The following DCAF8L2 variants were observed in gnomAD, a reference collection of about 807,000 sequenced individuals.
The protein encoded by DCAF8L2 is DDB1- and CUL4-associated factor 8-like protein 2.
For synonymous variants in DCAF8L2, 200 were observed against 190.9 expected, an observed-to-expected ratio of 1.05 and a Z score of -0.39; for missense variants, 430 against 490.7, an observed-to-expected ratio of 0.88 and a Z score of 1.17.
At chrX:27,528,056 A>G in the DCAF8L2 span, among the ~76,000 whole-genome samples, 2 of 76,514 alleles carry the variant, frequency 2.6e-5, no homozygotes, top group African/African-American at 1.5e-4. Context: ...TTAATTATTA[A>G]ATTAAATTTT....
chrX:27,614,414 C>T (rs935285450), intron 1 of DCAF8L2, among the ~76,000 whole-genome samples: 3 of 110,976 alleles, frequency 2.7e-5, no homozygotes, highest in Non-Finnish European at 5.7e-5. Context: ...CTTCTGGATT[C>T]ATTGATTTTT....
intron 1 of DCAF8L2, chrX:27,627,563 G>GTGTA (rs1167920418): frequency 1.9e-4 from 20 of 107,566 alleles, no homozygotes; most frequent in African/African-American, 6.5e-4. Flanking sequence ...GTGTGTGTGT[G>GTGTA]TGTGTGTGTG....
chrX:27,566,732 C>T, the DCAF8L2 span, among the ~76,000 whole-genome samples: 2 of 110,362 alleles, frequency 1.8e-5, no homozygotes, highest in Admixed American at 9.7e-5. Flanking sequence ...TATTTCTTCT[C>T]TACTCTTTAT....
At chrX:27,475,744 C>T in the DCAF8L2 span, among the ~76,000 whole-genome samples, 7 of 111,948 alleles carry the variant, frequency 6.3e-5, no homozygotes, top group African/African-American at 1.3e-4. Context: ...GCTCAACTAA[C>T]GAAATTAATT....
intron 3 of DCAF8L2, among the ~76,000 whole-genome samples, chrX:27,687,335 A>C (rs1930549601): frequency 8.9e-6 from 1 of 111,961 alleles, no homozygotes; most frequent in African/African-American, 3.3e-5. Context: ...TTAGGGGGGA[A>C]AACCTGTTCA....
chrX:27,682,957 AC>A (rs1930378321), intron 3 of DCAF8L2, among the ~76,000 whole-genome samples: 1 of 110,775 alleles, frequency 9.0e-6, no homozygotes, highest in African/African-American at 3.3e-5. Context: ...GTAGCTGGCA[AC>A]TATTACAATG....
At chrX:27,567,546 C>CATATAT in the DCAF8L2 span, among the ~76,000 whole-genome samples, 1,076 of 29,521 alleles carry the variant, frequency 0.036, 77 homozygotes, top group South Asian at 0.068. Context: ...ACCACTGTAG[C>CATATAT]ATATATATAT....
intron 4 of DCAF8L2, among the ~76,000 whole-genome samples, chrX:27,717,141 C>T (rs749532285): frequency 8.9e-6 from 1 of 112,418 alleles, no homozygotes; most frequent in African/African-American, 3.2e-5. Context: ...CATTGATGGG[C>T]ATTTGGGTTG....
chrX:27,473,044 A>C, the DCAF8L2 span, among the ~76,000 whole-genome samples: 4 of 111,891 alleles, frequency 3.6e-5, no homozygotes, highest in African/African-American at 1.3e-4. Flanking sequence ...GTCTTTGTAG[A>C]CATAGTTTTC....
Position 27,606,352 on chromosome X carries a change from TCTAGGA to T in DCAF8L2, c.-342+15913_-342+15918del, listed in dbSNP as rs1461188166. Among the ~76,000 whole-genome samples, 90 of 40,157 alleles carry T rather than the reference TCTAGGA, an allele frequency of 2.2e-3. 2 individuals carry two copies. The highest frequency in any genetic ancestry group is 3.4e-3 in the African/African-American group (25 of 7,308). The allele number at this position is 40,157 out of a possible 115,157, so 34.9% of individuals were successfully genotyped here. A position where few individuals can be genotyped will look rare whatever the true frequency, so the allele number is the denominator to read the frequency against. ...TATATATATAGGAATTATATATATATCTAGGAATATATATATATATATATATATATT... is the reference window on the plus strand; with the variant it reads ...TATATATATAGGAATTATATATATATATATATATATATATATATATATATT... On this transcript the variant is annotated intron_variant, in intron 1 of 4. Coordinates refer to ENST00000451261, the MANE Select transcript of DCAF8L2 (RefSeq NM_001353450.2).
chrX:27,599,543 A>C (rs912458117), intron 1 of DCAF8L2, among the ~76,000 whole-genome samples: 2 of 111,762 alleles, frequency 1.8e-5, no homozygotes, highest in African/African-American at 6.5e-5. Context: ...ATCATGAAAA[A>C]AATTGAATTA....
At chrX:27,504,486 A>G in the DCAF8L2 span, among the ~76,000 whole-genome samples, 1 of 111,680 alleles carries the variant, frequency 9.0e-6, no homozygotes, top group Non-Finnish European at 1.9e-5. Context: ...TGGGCCAATC[A>G]GTCTTATGTC....
chrX:27,575,098 T>C, the DCAF8L2 span, among the ~76,000 whole-genome samples: 1 of 111,358 alleles, frequency 9.0e-6, no homozygotes, highest in Non-Finnish European at 1.9e-5. Context: ...GAGAGATAGT[T>C]TTCCCCTGGA....
the DCAF8L2 span, among the ~76,000 whole-genome samples, chrX:27,532,755 T>G: frequency 2.9e-5 from 3 of 103,822 alleles, no homozygotes; most frequent in Non-Finnish European, 5.9e-5. Context: ...TTTATTTATT[T>G]ATTTATTTAT....
chrX:27,518,521 C>CCT, the DCAF8L2 span: 1 of 368,319 alleles, frequency 2.7e-6, no homozygotes, highest in Non-Finnish European at 4.8e-6. Flanking sequence ...AGGCGGATCA[C>CCT]GAGGTCAGGA....
the DCAF8L2 span, among the ~76,000 whole-genome samples, chrX:27,497,166 C>T: frequency 9.0e-6 from 1 of 111,256 alleles, no homozygotes; most frequent in Non-Finnish European, 1.9e-5. Context: ...TTAGTAGATG[C>T]ATGAAGCTAC....
At chrX:27,606,672 A>G (rs188823779) in intron 1 of DCAF8L2, among the ~76,000 whole-genome samples, 239 of 109,123 alleles carry the variant, frequency 2.2e-3, no homozygotes, top group Non-Finnish European at 3.2e-3. Context: ...TGCCTGGCCA[A>G]TTCCTAGTAG....
chrX:27,551,311 A>G, the DCAF8L2 span, among the ~76,000 whole-genome samples: 1 of 110,670 alleles, frequency 9.0e-6, no homozygotes, highest in Non-Finnish European at 1.9e-5. Context: ...CTAAGCAGCC[A>G]TCAATATCAA....
the DCAF8L2 span, among the ~76,000 whole-genome samples, chrX:27,510,726 T>C: frequency 3.6e-5 from 4 of 110,812 alleles, no homozygotes; most frequent in South Asian, 3.8e-4. Context: ...ACATCAAGAA[T>C]GATTATTGTC....
Sources: gnomAD v4.1 joint callset for allele counts (sites outside exome capture counted in the v4.1 genomes callset) on GRCh38, gnomAD v4.1.1 for gene constraint, MANE v1.5 for transcripts, NCBI Gene and HGNC (gene_info 2026-07-23, HGNC 2026-07-21) for gene names.